The following AGBL4 variants were observed in gnomAD, a reference collection of about 807,000 sequenced individuals.
AGBL4 encodes AGBL carboxypeptidase 4, also known as cytosolic carboxypeptidase 6.
In AGBL4, 58 loss-of-function variants were observed where a neutral mutation model predicts 66.4. That is an observed-to-expected ratio of 0.87 (90% confidence interval 0.71 to 1.09). The LOEUF is 1.09. AGBL4 is among the 50% of genes least tolerant of loss of function. The probability of loss-of-function intolerance (pLI) is 0.00; values close to 1 mark genes in which losing one functional copy is unlikely to be tolerated. For synonymous variants in AGBL4, 234 were observed against 222.9 expected, an observed-to-expected ratio of 1.05 and a Z score of -0.44; for missense variants, 579 against 631.0, an observed-to-expected ratio of 0.92 and a Z score of 0.88.
chr1:49,766,685 A>G (rs980938035), intron 2 of AGBL4, among the ~76,000 whole-genome samples: 1 of 152,086 alleles, frequency 6.6e-6, no homozygotes. Context: ...TCTTCAAGAA[A>G]CCTAGCTCAC....
In AGBL4 at chr1:49,935,204, CCTA is replaced by C. The variant is rs201429981; in HGVS notation, c.35-83689_35-83687del. Among the ~76,000 whole-genome samples, 1,218 of 152,340 alleles carry C rather than the reference CCTA, an allele frequency of 8.0e-3. 8 individuals are homozygous for C. Among genetic ancestry groups the C allele is most frequent in the Middle Eastern group, 0.031 (9 of 294 alleles). On this transcript the variant is annotated intron_variant, in intron 1 of 13. Transcript: ENST00000371839. ...ATATCCCGCACATGGCTCAGAGGGT[CCTA>C]CACCCACAGAGTCTCGCTGATTGCT... is the stretch of plus-strand genomic sequence containing the variant.
At chr1:49,640,804 G>A (rs1323116872) in intron 3 of AGBL4, among the ~76,000 whole-genome samples, 1 of 152,058 alleles carries the variant, frequency 6.6e-6, no homozygotes, top group South Asian at 2.1e-4. Flanking sequence ...GTGTAATCTG[G>A]TGCATAATCT....
intron 5 of AGBL4, among the ~76,000 whole-genome samples, chr1:48,969,085 C>A: frequency 6.8e-6 from 1 of 147,990 alleles, no homozygotes; most frequent in Non-Finnish European, 1.5e-5. Context: ...TCCCTCCCTC[C>A]CTCCCTCTCT....
At chr1:49,119,366 T>C (rs1293805686) in intron 4 of AGBL4, among the ~76,000 whole-genome samples, 1 of 152,246 alleles carries the variant, frequency 6.6e-6, no homozygotes, top group African/African-American at 2.4e-5. Context: ...CACACTGCTT[T>C]AAATGTGTTC....
At chr1:48,835,774 T>G (rs1447039012) in intron 6 of AGBL4, among the ~76,000 whole-genome samples, 1 of 152,178 alleles carries the variant, frequency 6.6e-6, no homozygotes, top group East Asian at 1.9e-4. Context: ...GCTTTTAAGT[T>G]CTTCCAATAA....
At chr1:48,994,745 A>G (rs1660872558) in intron 5 of AGBL4, among the ~76,000 whole-genome samples, 1 of 152,142 alleles carries the variant, frequency 6.6e-6, no homozygotes, top group African/African-American at 2.4e-5. Flanking sequence ...TTCTATTTAT[A>G]GCATATGGTT....
At chr1:49,276,441 T>C (rs572797207) in intron 3 of AGBL4, among the ~76,000 whole-genome samples, 60 of 152,306 alleles carry the variant, frequency 3.9e-4, no homozygotes, top group African/African-American at 1.3e-3. Context: ...ATATATTTAT[T>C]TGGCATATTT....
intron 1 of AGBL4, among the ~76,000 whole-genome samples, chr1:49,990,845 G>T (rs1021494118): frequency 6.6e-6 from 1 of 152,160 alleles, no homozygotes; most frequent in Non-Finnish European, 1.5e-5. Context: ...TGTAGGATAT[G>T]TTTAGCACAA....
the AGBL4 span, among the ~76,000 whole-genome samples, chr1:48,525,622 C>T: frequency 6.6e-6 from 1 of 152,118 alleles, no homozygotes; most frequent in Non-Finnish European, 1.5e-5. Flanking sequence ...ATTATGTTCC[C>T]ATACCAAACA....
At chr1:49,078,408 C>G (rs1644749124) in intron 4 of AGBL4, among the ~76,000 whole-genome samples, 1 of 152,138 alleles carries the variant, frequency 6.6e-6, no homozygotes, top group African/African-American at 2.4e-5. Flanking sequence ...GCATCTCAAA[C>G]CTGGTATGTC....
At chr1:49,047,179 T>C (rs1172039441) in intron 4 of AGBL4, among the ~76,000 whole-genome samples, 1 of 152,166 alleles carries the variant, frequency 6.6e-6, no homozygotes, top group Admixed American at 6.6e-5. Flanking sequence ...ATGGCATTGA[T>C]GCCTGTACAT....
chr1:49,804,888 T>A (rs1248935407), intron 2 of AGBL4, among the ~76,000 whole-genome samples: 1 of 152,192 alleles, frequency 6.6e-6, no homozygotes, highest in Non-Finnish European at 1.5e-5. Context: ...AAAAAAACTT[T>A]GAGGTTTATA....
At chr1:48,541,317 CCAGAGTGCTAAT>C (rs1557772394) in intron 11 of AGBL4, among the ~76,000 whole-genome samples, 2 of 152,216 alleles carry the variant, frequency 1.3e-5, no homozygotes. Flanking sequence ...CCTTCACCAA[CCAGAGTGCTAAT>C]CATACTGCAT....
intron 6 of AGBL4, among the ~76,000 whole-genome samples, chr1:48,690,858 G>A (rs896855918): frequency 2.0e-5 from 3 of 152,040 alleles, no homozygotes; most frequent in African/African-American, 7.2e-5. Context: ...AGAAACAAGT[G>A]AAGTTAACTT....
At chr1:49,362,782 A>C (rs1644168448) in intron 3 of AGBL4, among the ~76,000 whole-genome samples, 1 of 152,188 alleles carries the variant, frequency 6.6e-6, no homozygotes, top group African/African-American at 2.4e-5. Context: ...TGTATCCAGT[A>C]ATGATCTTTA....
intron 2 of AGBL4, among the ~76,000 whole-genome samples, chr1:49,698,003 C>G (rs978186022): frequency 6.6e-6 from 1 of 152,052 alleles, no homozygotes. Context: ...ATCATGAAAC[C>G]TAATTTCCAT....
chr1:49,432,196 C>G (rs1271090415), intron 3 of AGBL4, among the ~76,000 whole-genome samples: 1 of 152,166 alleles, frequency 6.6e-6, no homozygotes, highest in African/African-American at 2.4e-5. Context: ...AGAGGAAGGT[C>G]TTCAGGACTC....
At chr1:49,794,222 AT>A (rs913111686) in intron 2 of AGBL4, among the ~76,000 whole-genome samples, 21 of 151,584 alleles carry the variant, frequency 1.4e-4, no homozygotes, top group Admixed American at 6.6e-5. Flanking sequence ...AAATATTGTC[AT>A]TTTTTTTGCC....
chr1:49,549,595 CT>C (rs1208109187), intron 3 of AGBL4, among the ~76,000 whole-genome samples: 1 of 152,102 alleles, frequency 6.6e-6, no homozygotes, highest in African/African-American at 2.4e-5. Flanking sequence ...GGCTTTGAAG[CT>C]TCCTTTTGGA....
Sources: allele counts gnomAD v4.1 joint callset (sites outside exome capture counted in the v4.1 genomes callset), GRCh38; gene constraint gnomAD v4.1.1; transcripts MANE v1.5; gene names NCBI Gene and HGNC (gene_info 2026-07-23, HGNC 2026-07-21).